The following CIC variants were observed in gnomAD, a reference collection of about 807,000 sequenced individuals.
CIC encodes the protein protein capicua homolog.
A neutral mutation model predicts 115.7 loss-of-function variants in CIC; 18 were observed. That is an observed-to-expected ratio of 0.16 (90% CI 0.11 to 0.23). CIC has a LOEUF of 0.23. CIC is among the 10% of genes least tolerant of loss of function. The pLI, the probability that CIC is intolerant of heterozygous loss-of-function variation, is 1.00. For missense variants in CIC, 2,000 were observed against 2,159.3 expected, an observed-to-expected ratio of 0.93 and a Z score of 1.46; for synonymous variants, 1,076 against 923.0, an observed-to-expected ratio of 1.17 and a Z score of -3.01.
chr19:42,282,213 G>T (rs1355610306), intron 2 of CIC, among the ~76,000 whole-genome samples: 1 of 152,242 alleles, frequency 6.6e-6, no homozygotes, highest in Non-Finnish European at 1.5e-5. Context: ...TGGCCCTGCA[G>T]TCTCTGGAGG....
rs375561179 is a variant in CIC at position 42,287,496 on chromosome 19, C to G, written c.3309+47C>G. Reference sequence around the variant, plus strand: ...TGTGCTCACCCCGTGGCCACCCACACCTGTCTGCCAGGTCCTAACTGTCCC... The same window carrying G: ...TGTGCTCACCCCGTGGCCACCCACAGCTGTCTGCCAGGTCCTAACTGTCCC... On this transcript the variant is annotated intron_variant, in intron 5 of 20. Coordinates refer to ENST00000681038, the MANE Select transcript of CIC (RefSeq NM_001386298.1). This position sits in a 1 kb window ranked among gnomAD's most constrained non-coding sequence, Gnocchi z 8.7. The G allele has an allele frequency of 8.1e-5, 131 of 1,612,336 alleles. No individual in the cohort carries two copies. In the African/African-American group the frequency reaches 1.6e-3, roughly 20 times the overall value.
intron 2 of CIC, among the ~76,000 whole-genome samples, chr19:42,278,071 C>T (rs1252946932): frequency 6.6e-6 from 1 of 152,242 alleles, no homozygotes; most frequent in African/African-American, 2.4e-5. Context: ...CGGCCCAGGG[C>T]AGCCTGCCTG....
intron 2 of CIC, among the ~76,000 whole-genome samples, chr19:42,282,738 T>C (rs975717350): frequency 9.8e-5 from 15 of 152,330 alleles, no homozygotes; most frequent in Admixed American, 5.9e-4. Context: ...GCTCATTTTT[T>C]CACCTGAACA....
At position 42,273,189 on chromosome 19, in the gene CIC, G is replaced by A. The variant is rs904997408; in HGVS notation, c.1406G>A (p.Arg469Gln). ...SLEKGTAPAA[R>Q]ARTPLTAAQQ... ...GAAAAGGGGACAGCACCGGCAGCCC[G>A]GGCCCGCACGCCACTGACAGCCGCC... The change falls in exon 2 of 21, where the codon CGG becomes CAG. Residue 469 changes from arginine (R) to glutamine (Q), a missense_variant. By Grantham distance (43) the Arg-to-Gln change is conservative. Transcript: ENST00000681038. The A allele has an allele frequency of 2.5e-6, 1 of 398,724 alleles. No homozygotes were observed. The highest frequency in any genetic ancestry group is 4.4e-6 in the Non-Finnish European group (1 of 226,150). The allele number at this position is 398,724 out of a possible 1,614,324, so 24.7% of individuals were successfully genotyped here.
Position 42,295,026 on chromosome 19 carries a change from A to G in CIC, c.7389A>G (p.Ala2463=). 1 of 1,530,470 alleles carries G rather than the reference A, an allele frequency of 6.5e-7. No homozygotes were observed. Among genetic ancestry groups the G allele is most frequent in the East Asian group, 2.4e-5 (1 of 42,228 alleles). 94.8% of individuals were successfully genotyped at this position (1,530,470 alleles called of 1,614,324 possible). A position where few individuals can be genotyped will look rare whatever the true frequency, so the allele number is the denominator to read the frequency against. ...CCCCTGCCCCCACTCCCAGCCCCGC[A>G]GGGGGCCCTGACCCCACCTCACCCA... The part of the protein sequence containing the change: ...AAAPAPTPSP[A]GGPDPTSPSS... The change falls in exon 21 of 21, where the codon GCA becomes GCG. Residue 2463 remains alanine, a synonymous_variant. Coordinates refer to ENST00000681038, the MANE Select transcript of CIC (RefSeq NM_001386298.1).
intron 2 of CIC, among the ~76,000 whole-genome samples, chr19:42,274,851 G>A (rs1457674996): frequency 1.3e-5 from 2 of 152,172 alleles, no homozygotes; most frequent in Non-Finnish European, 2.9e-5. Flanking sequence ...ACTGAGTCAG[G>A]TCTCCATGGA....
rs2147252879 is a variant in CIC at position 42,290,408 on chromosome 19, C to T, written c.4367C>T (p.Ala1456Val). 3.7e-6 allele frequency: 6 copies of T among 1,614,114 alleles called. No homozygotes were observed. Among genetic ancestry groups the T allele is most frequent in the Non-Finnish European group, 5.1e-6 (6 of 1,179,966 alleles). Residue 1456 changes from alanine to valine, a missense_variant, in exon 11 of 21, where the codon GCC becomes GTC. Ala to Val is a moderately conservative substitution (Grantham distance 64). Around this residue, in one of 8 missense-constraint regions of CIC, gnomAD observed 1,466 missense variants for 1,390.4 expected, o/e 1.05. Coordinates refer to ENST00000681038, the MANE Select transcript of CIC (RefSeq NM_001386298.1). ...SSPASSSASA[A>V]TSFSLGSGTF... ...CCTGCTTCCTCCTCAGCCTCGGCAG[C>T]CACCTCCTTCTCACTGGGCTCAGGA...
At chr19:42,291,993 C>A in intron 12 of CIC, 93 bp from the exon 13 acceptor site, 3 of 1,576,730 alleles carry the variant, frequency 1.9e-6, no homozygotes, top group Admixed American at 1.7e-5. Flanking sequence ...GTGTTCCTTG[C>A]TTTTGCTTAG....
chr19:42,290,234 G>C lies in CIC; in HGVS notation c.4193G>C (p.Gly1398Ala), dbSNP rs200166587. ...GGTGTCTCCCTTCCTTTCATGCAGG[G>C]CTTTGGTCGGAAGGTGTTTTCACCT... Reference protein sequence around the residue: ...SSGEDPEGNKGFGRKVFSPVI... With the variant: ...SSGEDPEGNKAFGRKVFSPVI... The change falls in exon 11 of 21, where the codon GGC becomes GCC. Residue 1398 changes from glycine to alanine, a missense_variant and splice_region_variant. Coordinates refer to ENST00000681038, the MANE Select transcript of CIC (RefSeq NM_001386298.1). The C allele has an allele frequency of 1.1e-4, 171 of 1,613,958 alleles. 1 individual carries two copies. The highest frequency in any genetic ancestry group is 7.1e-5 in the Non-Finnish European group (84 of 1,179,992).
At chr19:42,281,053 G>GC (rs200876732) in intron 2 of CIC, among the ~76,000 whole-genome samples, 7,210 of 138,360 alleles carry the variant, frequency 0.052, 277 homozygotes, top group South Asian at 0.17. Flanking sequence ...GCTATTTTTA[G>GC]CCCCCCATCC....
chr19:42,284,847 G>GTA, intron 2 of CIC: 1 of 1,253,668 alleles, frequency 8.0e-7, no homozygotes, highest in Non-Finnish European at 1.1e-6. Context: ...GGTGGTGGGG[G>GTA]TATAGTAGGG....
rs1186956642 is a variant in CIC at position 42,294,864 on chromosome 19, C to T, written c.7227C>T (p.Ile2409=). Residue 2409 remains isoleucine, a synonymous_variant, in exon 21 of 21, where the codon ATC becomes ATT. Coordinates refer to ENST00000681038, the MANE Select transcript of CIC (RefSeq NM_001386298.1). ...TAAFQARYAD[I]FPSKVCLQLK... ...CCTTCCAGGCCCGCTATGCAGACATCTTTCCCTCCAAGGTTTGTCTGCAGT... is the reference window on the plus strand; with the variant it reads ...CCTTCCAGGCCCGCTATGCAGACATTTTTCCCTCCAAGGTTTGTCTGCAGT... 5.0e-6 allele frequency: 8 copies of T among 1,600,906 alleles called. No individual in the cohort carries two copies. In the African/African-American group the frequency reaches 9.3e-5, roughly 19 times the overall value.
rs753268443 is a variant in CIC at position 42,292,476 on chromosome 19, G to A, written c.5902+10G>A. Reference sequence around the variant, plus strand: ...CAGCCCCTGCTCTCAGGTGAGGGGCGGCCTGGCAGGCAGTGCTGGGGACCC... The same window carrying A: ...CAGCCCCTGCTCTCAGGTGAGGGGCAGCCTGGCAGGCAGTGCTGGGGACCC... On this transcript the variant is annotated intron_variant, in intron 14 of 20. Coordinates refer to ENST00000681038, the MANE Select transcript of CIC (RefSeq NM_001386298.1). 2.7e-5 allele frequency: 43 copies of A among 1,611,188 alleles called. No homozygotes were observed. Among genetic ancestry groups the A allele is most frequent in the African/African-American group, 4.0e-5 (3 of 74,854 alleles).
Position 42,270,453 on chromosome 19 carries a change from A to G in CIC, c.-11+1072A>G, listed in dbSNP as rs117063918. Among the ~76,000 whole-genome samples the G allele has an allele frequency of 6.6e-6, 1 of 152,346 alleles. No individual in the cohort carries two copies. The highest frequency in any genetic ancestry group is 1.9e-4 in the East Asian group (1 of 5,194). ...CTAGAGGCCTCTGTTTTGGCCTCTC[A>G]GGTTCTCTTAGTCACTTCAGAGTAA... On this transcript the variant is annotated intron_variant, in intron 1 of 20. Coordinates refer to ENST00000681038, the MANE Select transcript of CIC (RefSeq NM_001386298.1). This position sits in a 1 kb window ranked among gnomAD's most constrained non-coding sequence, Gnocchi z 4.1.
intron 2 of CIC, among the ~76,000 whole-genome samples, chr19:42,282,960 A>G (rs1041637866): frequency 6.6e-6 from 1 of 152,066 alleles, no homozygotes; most frequent in Non-Finnish European, 1.5e-5. Context: ...TCCCTGCCTT[A>G]TACTGCTAGA....
At position 42,291,551 on chromosome 19, in the gene CIC, C is replaced by T. The variant is rs763334293; in HGVS notation, c.5426-7C>T. 1.3e-5 allele frequency: 21 copies of T among 1,612,968 alleles called. No homozygotes were observed. The East Asian group carries it at 1.3e-4, about 10-fold the overall frequency. On this transcript the variant is annotated splice_region_variant and splice_polypyrimidine_tract_variant and intron_variant, in intron 11 of 20. Transcript: ENST00000681038. ...AACCTTTTCCTTTCTTGCCTCTTAA[C>T]TTCCAGCCCAGTCAGTTTCTCCCGT...
chr19:42,285,497 G>A (rs2037568874), intron 2 of CIC, among the ~76,000 whole-genome samples: 1 of 152,176 alleles, frequency 6.6e-6, no homozygotes, highest in Non-Finnish European at 1.5e-5. Context: ...TGTTTCCTGA[G>A]GTCTACTTTT....
chr19:42,292,066 A>G lies in CIC; in HGVS notation c.5614-20A>G, dbSNP rs200174576. Reference sequence around the variant, plus strand: ...CTGGGGCCACAGCTCACCCTGGCCTATGGGTGCCCTTCTCCACAGATCATC... The same window carrying G: ...CTGGGGCCACAGCTCACCCTGGCCTGTGGGTGCCCTTCTCCACAGATCATC... On this transcript the variant is annotated intron_variant, in intron 12 of 20. Transcript: ENST00000681038. 1.5e-5 allele frequency: 24 copies of G among 1,613,098 alleles called. No homozygotes were observed. Among genetic ancestry groups the G allele is most frequent in the East Asian group, 2.2e-5 (1 of 44,858 alleles).
chr19:42,293,061 T>C lies in CIC; in HGVS notation c.6302T>C (p.Phe2101Ser), dbSNP rs2038259345. The C allele has an allele frequency of 1.2e-6, 2 of 1,612,250 alleles. No individual in the cohort carries two copies. The highest frequency in any genetic ancestry group is 1.7e-6 in the Non-Finnish European group (2 of 1,179,662). ...ATCGCCAGCATTCCCGTGGGGTCCT[T>C]TGAGGCAGGTGCCTCTGGGCGGCCT... ...AAIASIPVGS[F>S]EAGASGRPGP... Residue 2101 changes from phenylalanine (F) to serine (S), a missense_variant, in exon 16 of 21, where the codon TTT becomes TCT. Transcript: ENST00000681038.
Sources: allele counts gnomAD v4.1 joint callset (sites outside exome capture counted in the v4.1 genomes callset), GRCh38; gene constraint gnomAD v4.1.1; regional missense constraint gnomAD v4.1.1; non-coding constraint Gnocchi (gnomAD v3.1); transcripts MANE v1.5; gene names NCBI Gene and HGNC (gene_info 2026-07-23, HGNC 2026-07-21).